Variants in OR4F15 observed in about 807,000 individuals in gnomAD.
OR4F15 encodes the protein olfactory receptor 4F15.
Under a neutral mutation model 11.9 loss-of-function variants are expected in OR4F15, and 7 were observed. That is an observed-to-expected ratio of 0.59 (90% CI 0.33 to 1.10). The LOEUF (loss-of-function observed/expected upper bound fraction) is 1.10. Ranked by LOEUF, OR4F15 falls within the 50% of genes least tolerant of loss-of-function variation. OR4F15 has a pLI of 0.03. For missense variants in OR4F15, 445 were observed against 377.5 expected (o/e 1.18, Z -1.48); for synonymous variants, 151 against 134.6 (o/e 1.12, Z -0.84).
rs1012123615 is a variant in OR4F15 at position 101,819,178 on chromosome 15, A to G, written c.*53A>G. 5.6e-6 allele frequency: 7 copies of G among 1,241,966 alleles called. No individual in the cohort carries two copies. The Admixed American group carries it at 1.6e-4, about 28-fold the overall frequency. The allele number at this position is 1,241,966 out of a possible 1,614,324, so 76.9% of individuals were successfully genotyped here. A position where few individuals can be genotyped will look rare whatever the true frequency, so the allele number is the denominator to read the frequency against. ...ATGGATTACTCCTCATGCTGATTGC[A>G]TAAAAGAAACTGCAATTTCAGAGAA... On this transcript the variant is annotated 3_prime_UTR_variant, in exon 2 of 2. Coordinates refer to ENST00000332238, the MANE Select transcript of OR4F15 (RefSeq NM_001001674.2).
chr15:101,820,062 A>G lies in OR4F15; in HGVS notation c.*937A>G, dbSNP rs1036382343. On this transcript the variant is annotated 3_prime_UTR_variant, in exon 2 of 2. Transcript: ENST00000332238. ...AGCAGTGACTAGTTTGCCCAAAGGCACATAGCTGGAAACCATCAAAGAGAG... is the reference window on the plus strand; with the variant it reads ...AGCAGTGACTAGTTTGCCCAAAGGCGCATAGCTGGAAACCATCAAAGAGAG... 1.2e-4 allele frequency: 19 copies of G among 152,320 alleles called. No homozygotes were observed. The highest frequency in any genetic ancestry group is 7.3e-5 in the Non-Finnish European group (5 of 68,046). 9.4% of individuals were successfully genotyped at this position (152,320 alleles called of 1,614,324 possible).
At chr15:101,815,759 A>C (rs892689005) in intron 1 of OR4F15, among the ~76,000 whole-genome samples, 10 of 152,168 alleles carry the variant, frequency 6.6e-5, no homozygotes, top group Admixed American at 2.0e-4. Flanking sequence ...TATTTTTTGA[A>C]TTAATGAACA....
intron 1 of OR4F15, among the ~76,000 whole-genome samples, chr15:101,813,838 T>A (rs2141619723): frequency 6.6e-6 from 1 of 152,330 alleles, no homozygotes; most frequent in South Asian, 2.1e-4. Context: ...CTATCACAAT[T>A]GTTTAGTGTA....
chr15:101,818,473 G>A lies in OR4F15; in HGVS notation c.287G>A (p.Gly96Glu), dbSNP rs749278161. Residue 96 changes from glycine to glutamate, a missense_variant, in exon 2 of 2, where the codon GGA becomes GAA. By Grantham distance (98) the Gly-to-Glu change is moderately conservative. Transcript: ENST00000332238. ...AAGCACAAGGCCATCTCCTTTCGGG[G>A]ATGTATTACTCAGATCTTCTTTAGC... ...FKKHKAISFR[G>E]CITQIFFSHA... The A allele has an allele frequency of 1.9e-6, 3 of 1,614,098 alleles. No homozygotes were observed. The highest frequency in any genetic ancestry group is 2.2e-5 in the South Asian group (2 of 91,078).
At chr15:101,817,020 C>T (rs1359897415) in intron 1 of OR4F15, among the ~76,000 whole-genome samples, 2 of 152,078 alleles carry the variant, frequency 1.3e-5, no homozygotes, top group African/African-American at 4.8e-5. Flanking sequence ...TTATGGTATC[C>T]TCTAGGGGTG....
chr15:101,816,636 A>C (rs377505726), intron 1 of OR4F15, among the ~76,000 whole-genome samples: 2 of 152,090 alleles, frequency 1.3e-5, no homozygotes, highest in African/African-American at 4.8e-5. Flanking sequence ...TTTCCCACCA[A>C]TTACCTTTGT....
Position 101,818,547 on chromosome 15 carries a change from G to A in OR4F15, c.361G>A (p.Asp121Asn), listed in dbSNP as rs1312150534. Residue 121 changes from aspartate to asparagine, a missense_variant, in exon 2 of 2, where the codon GAC becomes AAC. Coordinates refer to ENST00000332238, the MANE Select transcript of OR4F15 (RefSeq NM_001001674.2). ...EMVLLIAMAF[D>N]RYMAICKPLH... is the part of the protein sequence containing the mutation. ...GGTGCTGCTCATAGCCATGGCCTTT[G>A]ACAGATACATGGCCATATGTAAACC... 6.2e-7 allele frequency: 1 copy of A among 1,614,034 alleles called. No individual in the cohort carries two copies.
chr15:101,812,708 A>G (rs1326961664), intron 1 of OR4F15, among the ~76,000 whole-genome samples: 1 of 152,194 alleles, frequency 6.6e-6, no homozygotes, highest in African/African-American at 2.4e-5. Flanking sequence ...CTCAAGATGG[A>G]GAAGGAATAA....
rs745353172 is a variant in OR4F15 at position 101,818,469 on chromosome 15, C to T, written c.283C>T (p.Arg95Trp). Residue 95 changes from arginine (R) to tryptophan (W), a missense_variant, in exon 2 of 2, where the codon CGG (arginine) becomes TGG (tryptophan). Arg to Trp is a moderately radical substitution (Grantham distance 101). Coordinates refer to ENST00000332238, the MANE Select transcript of OR4F15 (RefSeq NM_001001674.2). The stretch of plus-strand genomic sequence containing the variant: ...CAAGAAGCACAAGGCCATCTCCTTT[C>T]GGGGATGTATTACTCAGATCTTCTT... ...IFKKHKAISF[R>W]GCITQIFFSH... 35 of 1,614,022 alleles carry T rather than the reference C, an allele frequency of 2.2e-5. No individual in the cohort carries two copies. The highest frequency in any genetic ancestry group is 4.5e-5 in the East Asian group (2 of 44,888).
intron 1 of OR4F15, among the ~76,000 whole-genome samples, chr15:101,815,756 T>A (rs1293000413): frequency 2.0e-5 from 3 of 152,182 alleles, no homozygotes. Context: ...AGATATTTTT[T>A]GAATTAATGA....
In OR4F15 at chr15:101,815,111, G is replaced by C. The variant is rs540200763; in HGVS notation, c.-38+2839G>C. Among the ~76,000 whole-genome samples the C allele has an allele frequency of 2.0e-5, 3 of 152,180 alleles. No homozygotes were observed. In the East Asian group the frequency reaches 5.8e-4, roughly 29 times the overall value. Reference sequence around the variant, plus strand: ...AAGTGTTTGTCAGTTTATAGTTCAGGTCATGAGGATTTAGATGTAAATCAC... The same window carrying C: ...AAGTGTTTGTCAGTTTATAGTTCAGCTCATGAGGATTTAGATGTAAATCAC... On this transcript the variant is annotated intron_variant, in intron 1 of 1. Transcript: ENST00000332238.
rs1424354681 is a variant in OR4F15, at chr15:101,818,331, G to C, written c.145G>C (p.Val49Leu). The C allele has an allele frequency of 5.6e-6, 9 of 1,614,054 alleles. No individual in the cohort carries two copies. Among genetic ancestry groups the C allele is most frequent in the Non-Finnish European group, 6.8e-6 (8 of 1,179,950 alleles). ...GGGAAACCTTGTCATTGTATTCACT[G>C]TAACCATGGATGCTCATCTGCACTC... ...MMGNLVIVFT[V>L]TMDAHLHSPM... is the part of the protein sequence containing the mutation. Residue 49 changes from valine (V) to leucine (L), a missense_variant, in exon 2 of 2, where the codon GTA becomes CTA. Val to Leu is a conservative substitution (Grantham distance 32). Coordinates refer to ENST00000332238, the MANE Select transcript of OR4F15 (RefSeq NM_001001674.2).
intron 1 of OR4F15, among the ~76,000 whole-genome samples, chr15:101,813,274 C>T (rs773205888): frequency 2.0e-5 from 3 of 152,014 alleles, no homozygotes; most frequent in South Asian, 2.1e-4. Flanking sequence ...TTTGGGAGGC[C>T]GAGGTGGACA....
chr15:101,817,161 C>A lies in OR4F15; in HGVS notation c.-37-989C>A, dbSNP rs188346870. Among the ~76,000 whole-genome samples the A allele has an allele frequency of 2.0e-5, 3 of 152,210 alleles. No homozygotes were observed. The East Asian group carries it at 5.8e-4, about 29-fold the overall frequency. ...AACCATATTAGAAGCCTTTTATTGA[C>A]TATTTAAAATGAATAATAAGACCCC... On this transcript the variant is annotated intron_variant, in intron 1 of 1. Coordinates refer to ENST00000332238, the MANE Select transcript of OR4F15 (RefSeq NM_001001674.2).
At chr15:101,816,866 A>G (rs1020130591) in intron 1 of OR4F15, among the ~76,000 whole-genome samples, 4 of 152,092 alleles carry the variant, frequency 2.6e-5, no homozygotes, top group African/African-American at 9.7e-5. Flanking sequence ...AATCTCCATT[A>G]CTCAATCATC....
At chr15:101,814,472 G>A (rs370900404) in intron 1 of OR4F15, among the ~76,000 whole-genome samples, 51 of 152,242 alleles carry the variant, frequency 3.3e-4, no homozygotes, top group Middle Eastern at 6.8e-3. Context: ...CAAAACAAGG[G>A]ACTTTAGTAT....
chr15:101,818,259 C>T lies in OR4F15; in HGVS notation c.73C>T (p.Leu25Phe), dbSNP rs578251839. ...MGLTNSREIQ[L>F]LLFVFSLLFY... is the part of the protein sequence containing the mutation. The stretch of plus-strand genomic sequence containing the variant: ...ACTCACCAACTCACGGGAGATTCAG[C>T]TTCTACTTTTTGTTTTCTCTTTGTT... Residue 25 changes from leucine to phenylalanine, a missense_variant, in exon 2 of 2, where the codon CTT (leucine) becomes TTT (phenylalanine). By Grantham distance (22) the Leu-to-Phe change is conservative. Coordinates refer to ENST00000332238, the MANE Select transcript of OR4F15 (RefSeq NM_001001674.2). The T allele has an allele frequency of 6.2e-7, 1 of 1,613,912 alleles. No homozygotes were observed. The highest frequency in any genetic ancestry group is 1.1e-5 in the South Asian group (1 of 91,060).
At chr15:101,816,372 C>T (rs1317910119) in intron 1 of OR4F15, among the ~76,000 whole-genome samples, 1 of 152,096 alleles carries the variant, frequency 6.6e-6, no homozygotes, top group Non-Finnish European at 1.5e-5. Flanking sequence ...CTAGAAGCTC[C>T]AGGAGGAATG....
At chr15:101,813,666 T>C (rs1902942297) in intron 1 of OR4F15, among the ~76,000 whole-genome samples, 1 of 152,216 alleles carries the variant, frequency 6.6e-6, no homozygotes, top group Admixed American at 6.5e-5. Context: ...TCATTGAGTT[T>C]ATTGATTGAG....
Sources: allele counts gnomAD v4.1 joint callset (sites outside exome capture counted in the v4.1 genomes callset), GRCh38; gene constraint gnomAD v4.1.1; transcripts MANE v1.5; gene names NCBI Gene and HGNC (gene_info 2026-07-23, HGNC 2026-07-21).